DMD: variants seen among roughly 807,000 people sequenced by gnomAD.
DMD encodes mutant dystrophin.
DMD carries 63 observed loss-of-function variants against 330.1 expected under a neutral mutation model. That is an observed-to-expected ratio of 0.19 (90% CI 0.16 to 0.24). DMD has a LOEUF of 0.24. Among genes scored for constraint, DMD ranks in the 10% least tolerant of loss-of-function variants. DMD has a pLI of 1.00. For missense variants in DMD, 3,344 were observed against 2,684.1 expected (o/e 1.25, Z -5.43); for synonymous variants, 1,223 against 959.8 (o/e 1.27, Z -5.07).
At position 31,387,402 on chromosome X, in the gene DMD, C is replaced by CT. The variant is rs1180388361; in HGVS notation, c.9085-38769dup. On this transcript the variant is annotated intron_variant, in intron 60 of 78. Transcript: ENST00000357033. Reference sequence around the variant, plus strand: ...TGATCTCATGATATGTAAATTAATTCTTTTTTTTTTTGTTTGAGACAGAGT... The same window carrying CT: ...TGATCTCATGATATGTAAATTAATTCTTTTTTTTTTTTGTTTGAGACAGAGT... Among the ~76,000 whole-genome samples the CT allele has an allele frequency of 1.1e-3, 113 of 104,017 alleles. 1 individual carries two copies. The highest frequency in any genetic ancestry group is 2.4e-3 in the African/African-American group (68 of 28,801). 90.3% of individuals were successfully genotyped at this position (104,017 alleles called of 115,157 possible).
Position 31,234,596 on chromosome X carries a change from C to A in DMD, c.9287-11475G>T, listed in dbSNP as rs1249791155. ...TTATATGCCTAACTGTGTACTAAGC[C>A]CAGGGGTTAAAGATTCAGGTTTCTA... On this transcript the variant is annotated intron_variant, in intron 63 of 78. Coordinates refer to ENST00000357033, the MANE Select transcript of DMD (RefSeq NM_004006.3). 2.7e-5 allele frequency among the ~76,000 whole-genome samples: 3 copies of A among 111,371 alleles called. No homozygotes were observed. The Admixed American group carries it at 2.9e-4, about 11-fold the overall frequency.
chrX:33,189,737 C>A (rs1316427661), intron 1 of DMD, among the ~76,000 whole-genome samples: 1 of 111,181 alleles, frequency 9.0e-6, no homozygotes. Flanking sequence ...GATAACATGA[C>A]CTTACATACA....
intron 44 of DMD, among the ~76,000 whole-genome samples, chrX:31,989,073 G>T (rs1413098845): frequency 8.9e-6 from 1 of 112,240 alleles, no homozygotes; most frequent in African/African-American, 3.2e-5. Flanking sequence ...TATCAGGCAG[G>T]AGTTCCTTTT....
intron 44 of DMD, among the ~76,000 whole-genome samples, chrX:32,085,673 C>CGTAT (rs1569541222): frequency 2.3e-5 from 1 of 44,254 alleles, no homozygotes; most frequent in African/African-American, 8.4e-5. Context: ...CGTATATATA[C>CGTAT]ACACGCGTAT....
intron 2 of DMD, among the ~76,000 whole-genome samples, chrX:32,925,161 T>G (rs1425288826): frequency 1.0e-5 from 1 of 96,952 alleles, no homozygotes; most frequent in Non-Finnish European, 2.0e-5. Flanking sequence ...TTTTTTTTTT[T>G]TTTTTTTTTT....
chrX:33,286,763 C>T (rs1168012819), intron 1 of DMD, among the ~76,000 whole-genome samples: 2 of 112,358 alleles, frequency 1.8e-5, no homozygotes, highest in African/African-American at 3.2e-5. Flanking sequence ...GTATCGCTGA[C>T]AGGCTGTTCA....
At chrX:31,914,821 G>A (rs748144242) in intron 47 of DMD, among the ~76,000 whole-genome samples, 2 of 112,068 alleles carry the variant, frequency 1.8e-5, no homozygotes, top group Non-Finnish European at 3.8e-5. Context: ...CCCAGTATTC[G>A]ATAGCACAAC....
intron 18 of DMD, among the ~76,000 whole-genome samples, chrX:32,509,986 T>C (rs1460591316): frequency 5.4e-5 from 6 of 111,484 alleles, no homozygotes; most frequent in Admixed American, 9.5e-5. Flanking sequence ...TACTACCACA[T>C]TAGACAAAGT....
At chrX:32,379,040 TAA>T (rs5902029) in intron 34 of DMD, among the ~76,000 whole-genome samples, 97 of 99,798 alleles carry the variant, frequency 9.7e-4, no homozygotes, top group South Asian at 9.2e-4. Flanking sequence ...AATAAATTGG[TAA>T]AAAAAAAAAA....
chrX:31,596,355 T>C (rs1285413815), intron 55 of DMD, among the ~76,000 whole-genome samples: 1 of 112,089 alleles, frequency 8.9e-6, no homozygotes, highest in Non-Finnish European at 1.9e-5. Flanking sequence ...CGATGATGAA[T>C]AAAGCATAAG....
intron 7 of DMD, among the ~76,000 whole-genome samples, chrX:32,770,896 T>G (rs2073526011): frequency 9.0e-6 from 1 of 111,708 alleles, no homozygotes; most frequent in South Asian, 3.7e-4. Flanking sequence ...AGAGGTTGGC[T>G]CTACTTAAGA....
chrX:32,582,673 T>C (rs920300173), intron 13 of DMD, among the ~76,000 whole-genome samples: 4 of 111,527 alleles, frequency 3.6e-5, no homozygotes, highest in African/African-American at 1.3e-4. Flanking sequence ...CAAGATAATC[T>C]TTAAAAAGGA....
chrX:32,127,311 A>T (rs954851514), intron 44 of DMD, among the ~76,000 whole-genome samples: 1 of 111,811 alleles, frequency 8.9e-6, no homozygotes, highest in Non-Finnish European at 1.9e-5. Context: ...ACAATTGTGA[A>T]CATGTAGCTC....
rs749168748 is a variant in DMD at position 33,285,643 on chromosome X, T to C, written c.7+53616A>G. On this transcript the variant is annotated intron_variant, in intron 1 of 17. Coordinates refer to the DMD transcript ENST00000288447. ...CAATCCATAAGCAGAGTCCTTGATA[T>C]CATGTTTGTATTGTGTGATATTTGC... Among the ~76,000 whole-genome samples the C allele has an allele frequency of 3.4e-3, 383 of 112,028 alleles. 1 individual carries two copies. Among genetic ancestry groups the C allele is most frequent in the African/African-American group, 0.012 (364 of 30,835 alleles).
intron 7 of DMD, among the ~76,000 whole-genome samples, chrX:32,717,937 G>A (rs1328961417): frequency 9.0e-6 from 1 of 111,222 alleles, no homozygotes; most frequent in Non-Finnish European, 1.9e-5. Flanking sequence ...TCTTCTGATC[G>A]ATTTAACTCT....
chrX:32,637,388 T>A (rs1393877416), intron 11 of DMD, among the ~76,000 whole-genome samples: 1 of 112,205 alleles, frequency 8.9e-6, no homozygotes, highest in African/African-American at 3.2e-5. Flanking sequence ...ATTTTTGTAC[T>A]AAGATTAAAA....
chrX:33,112,359 C>T (rs762597354), intron 1 of DMD, among the ~76,000 whole-genome samples: 5 of 111,249 alleles, frequency 4.5e-5, no homozygotes, highest in Non-Finnish European at 7.5e-5. Context: ...ACACGTATCC[C>T]TACAGATAAG....
At chrX:32,642,623 CTT>C (rs952884530) in intron 11 of DMD, among the ~76,000 whole-genome samples, 1 of 111,896 alleles carries the variant, frequency 8.9e-6, no homozygotes, top group Non-Finnish European at 1.9e-5. Context: ...AGATAAAAGA[CTT>C]TTTTTATGTT....
chrX:32,444,426 A>G (rs1365841385), intron 27 of DMD, among the ~76,000 whole-genome samples: 4 of 110,863 alleles, frequency 3.6e-5, no homozygotes, highest in Non-Finnish European at 7.6e-5. Flanking sequence ...CAAATAAACA[A>G]ATAAACAAAC....
Sources: gnomAD v4.1 joint callset for allele counts (sites outside exome capture counted in the v4.1 genomes callset) on GRCh38, gnomAD v4.1.1 for gene constraint, MANE v1.5 for transcripts, NCBI Gene and HGNC (gene_info 2026-07-23, HGNC 2026-07-21) for gene names.